BMP6: variants seen among roughly 807,000 people sequenced by gnomAD.
BMP6 encodes bone morphogenetic protein 6.
A neutral mutation model predicts 54.1 loss-of-function variants in BMP6; 17 were observed. The ratio of observed to expected loss-of-function variants is 0.31; its 90% CI spans 0.22 to 0.47. The LOEUF is 0.47. Ranked by LOEUF, BMP6 falls within the 20% of genes least tolerant of loss-of-function variation. The pLI, the probability that BMP6 is intolerant of heterozygous loss-of-function variation, is 1.00. For synonymous variants in BMP6, 328 were observed against 291.2 expected (o/e 1.13, Z -1.28); for missense variants, 720 against 690.4 (o/e 1.04, Z -0.48).
chr6:7,822,618 A>G (rs1279878578), intron 1 of BMP6, among the ~76,000 whole-genome samples: 1 of 152,096 alleles, frequency 6.6e-6, no homozygotes, highest in Non-Finnish European at 1.5e-5. Context: ...CCTGGCTCTG[A>G]GGTCTCCATC....
intron 2 of BMP6, among the ~76,000 whole-genome samples, chr6:7,853,394 C>T (rs1759175787): frequency 6.6e-6 from 1 of 152,160 alleles, no homozygotes; most frequent in Non-Finnish European, 1.5e-5. Context: ...GATCGGGACC[C>T]AATGTTGATC....
intron 4 of BMP6, among the ~76,000 whole-genome samples, chr6:7,874,742 T>A (rs1481741372): frequency 2.0e-5 from 3 of 152,104 alleles, no homozygotes; most frequent in Admixed American, 2.0e-4. Flanking sequence ...AGTGAGACCC[T>A]GTCTCAAAAA....
chr6:7,865,398 C>T (rs963530546), intron 4 of BMP6, among the ~76,000 whole-genome samples: 6 of 152,166 alleles, frequency 3.9e-5, no homozygotes, highest in African/African-American at 7.2e-5. Flanking sequence ...GAAAGAATGA[C>T]GATGAAGGAT....
chr6:7,824,126 A>G (rs1758656418), intron 1 of BMP6, among the ~76,000 whole-genome samples: 1 of 152,176 alleles, frequency 6.6e-6, no homozygotes, highest in Non-Finnish European at 1.5e-5. Flanking sequence ...GGGTACTGAT[A>G]GATTTTGAAG....
intron 1 of BMP6, among the ~76,000 whole-genome samples, chr6:7,841,876 A>G (rs1758976065): frequency 1.3e-5 from 2 of 152,224 alleles, no homozygotes. Flanking sequence ...TCTATTTTAC[A>G]TTGTAATAAA....
intron 4 of BMP6, among the ~76,000 whole-genome samples, chr6:7,873,011 G>T (rs185779501): frequency 1.5e-4 from 23 of 152,026 alleles, no homozygotes; most frequent in African/African-American, 5.5e-4. Flanking sequence ...GGTCTGTGTT[G>T]CCCAGGCTGA....
intron 1 of BMP6, among the ~76,000 whole-genome samples, chr6:7,804,807 T>A (rs1039304962): frequency 2.6e-5 from 4 of 152,244 alleles, no homozygotes; most frequent in African/African-American, 9.6e-5. Flanking sequence ...GACTACCTTC[T>A]GTACTGGATT....
chr6:7,825,957 C>G (rs36081170), intron 1 of BMP6, among the ~76,000 whole-genome samples: 11,633 of 152,212 alleles, frequency 0.076, 552 homozygotes, highest in Non-Finnish European at 0.1. Flanking sequence ...TATAAAATAA[C>G]TCTTCCGTCC....
intron 1 of BMP6, among the ~76,000 whole-genome samples, chr6:7,736,116 A>G (rs1429217431): frequency 6.6e-6 from 1 of 152,228 alleles, no homozygotes; most frequent in Non-Finnish European, 1.5e-5. Flanking sequence ...TCCATCAGAA[A>G]TCTTTCTTTT....
Position 7,880,518 on chromosome 6 carries a change from T to C in BMP6, c.*175T>C, listed in dbSNP as rs1006498297. ...GGACCTCATTAATAATTTGCTCACT[T>C]GGTAAATGACGTGAGTAGTTGTTGG... On this transcript the variant is annotated 3_prime_UTR_variant, in exon 7 of 7. Transcript: ENST00000283147. 1 of 873,140 alleles carries C rather than the reference T, an allele frequency of 1.1e-6. No individual in the cohort carries two copies. Among genetic ancestry groups the C allele is most frequent in the Non-Finnish European group, 1.7e-6 (1 of 576,906 alleles). 54.1% of individuals were successfully genotyped at this position (873,140 alleles called of 1,614,324 possible).
At chr6:7,734,937 T>G (rs1195817196) in intron 1 of BMP6, among the ~76,000 whole-genome samples, 1 of 152,266 alleles carries the variant, frequency 6.6e-6, no homozygotes, top group Non-Finnish European at 1.5e-5. Context: ...TTTATAGGCA[T>G]ACGCCCTTGA....
chr6:7,735,220 C>T (rs1426148668), intron 1 of BMP6, among the ~76,000 whole-genome samples: 2 of 152,154 alleles, frequency 1.3e-5, no homozygotes, highest in South Asian at 2.1e-4. Flanking sequence ...AGAACGTCTG[C>T]GTTTGTTGAT....
intron 1 of BMP6, among the ~76,000 whole-genome samples, chr6:7,825,495 C>A (rs893317649): frequency 6.6e-6 from 1 of 151,814 alleles, no homozygotes; most frequent in Non-Finnish European, 1.5e-5. Flanking sequence ...CTGAGGCGGG[C>A]GGATCACCTG....
At chr6:7,809,117 C>CCA (rs1491346695) in intron 1 of BMP6, among the ~76,000 whole-genome samples, 21 of 99,178 alleles carry the variant, frequency 2.1e-4, no homozygotes, top group Admixed American at 3.3e-4. Flanking sequence ...CACCCCCCCC[C>CCA]AAAAAAAAAA....
At chr6:7,806,532 A>G (rs958588125) in intron 1 of BMP6, among the ~76,000 whole-genome samples, 1 of 152,158 alleles carries the variant, frequency 6.6e-6, no homozygotes, top group Admixed American at 6.5e-5. Context: ...TCTATTGGCT[A>G]TTGATGGTTT....
chr6:7,855,725 T>G (rs1182114343), intron 2 of BMP6, among the ~76,000 whole-genome samples: 1 of 151,878 alleles, frequency 6.6e-6, no homozygotes, highest in Non-Finnish European at 1.5e-5. Flanking sequence ...GGCAGGGTTT[T>G]GCCATGTTGC....
intron 1 of BMP6, among the ~76,000 whole-genome samples, chr6:7,741,617 G>A (rs1757257915): frequency 6.6e-6 from 1 of 150,834 alleles, no homozygotes; most frequent in Admixed American, 6.6e-5. Flanking sequence ...ATTTTTTGTA[G>A]AGATGGGGTC....
chr6:7,851,819 GA>G (rs1298677270), intron 2 of BMP6, among the ~76,000 whole-genome samples: 1 of 151,872 alleles, frequency 6.6e-6, no homozygotes, highest in Non-Finnish European at 1.5e-5. Flanking sequence ...TTAATTTTGG[GA>G]CAATCATATA....
intron 1 of BMP6, among the ~76,000 whole-genome samples, chr6:7,793,741 GTTGC>G (rs1267560871): frequency 3.9e-5 from 6 of 152,184 alleles, no homozygotes; most frequent in Non-Finnish European, 7.3e-5. Context: ...CCTCCATGGG[GTTGC>G]TTTTCATTTA....
Sources: allele counts gnomAD v4.1 joint callset (sites outside exome capture counted in the v4.1 genomes callset), GRCh38; gene constraint gnomAD v4.1.1; transcripts MANE v1.5; gene names NCBI Gene and HGNC (gene_info 2026-07-23, HGNC 2026-07-21).